Variants in CNTN1 observed in about 807,000 individuals in gnomAD.
CNTN1 encodes contactin-1.
Under a neutral mutation model 126.4 loss-of-function variants are expected in CNTN1, and 38 were observed. That is an observed-to-expected ratio of 0.30 (90% CI 0.23 to 0.39). CNTN1 has a LOEUF of 0.39. Ranked by LOEUF, CNTN1 falls within the 10% of genes least tolerant of loss-of-function variation. The pLI is 1.00. For synonymous variants in CNTN1, 413 were observed against 422.6 expected (o/e 0.98, Z 0.28); for missense variants, 1,009 against 1,248.4 (o/e 0.81, Z 2.89).
intron 14 of CNTN1, among the ~76,000 whole-genome samples, chr12:40,955,442 G>C (rs1452800224): frequency 6.6e-6 from 1 of 151,898 alleles, no homozygotes; most frequent in Non-Finnish European, 1.5e-5. Flanking sequence ...ATAGTGTATA[G>C]ATATTTGAAA....
chr12:40,966,992 A>G (rs1013422360), intron 15 of CNTN1, among the ~76,000 whole-genome samples: 3 of 152,058 alleles, frequency 2.0e-5, no homozygotes, highest in Non-Finnish European at 2.9e-5. Context: ...CTTTTGGCAA[A>G]CTGGAATTTC....
At chr12:40,862,561 G>A (rs1943151676) in intron 1 of CNTN1, among the ~76,000 whole-genome samples, 2 of 152,154 alleles carry the variant, frequency 1.3e-5, no homozygotes, top group Admixed American at 1.3e-4. Flanking sequence ...ATACACTCAA[G>A]GAAAGTTATG....
At chr12:40,958,787 T>C (rs1282322289) in intron 14 of CNTN1, among the ~76,000 whole-genome samples, 3 of 152,094 alleles carry the variant, frequency 2.0e-5, no homozygotes, top group Non-Finnish European at 4.4e-5. Context: ...AACTTATTGA[T>C]ACTTATTAGA....
intron 1 of CNTN1, among the ~76,000 whole-genome samples, chr12:40,859,972 A>G (rs1288562771): frequency 1.3e-5 from 2 of 152,074 alleles, no homozygotes; most frequent in Non-Finnish European, 2.9e-5. Context: ...CTTTTCCAAA[A>G]CTTTTCCAAC....
chr12:41,031,224 G>C (rs1949139574), intron 23 of CNTN1, among the ~76,000 whole-genome samples: 1 of 152,184 alleles, frequency 6.6e-6, no homozygotes, highest in Non-Finnish European at 1.5e-5. Context: ...AGAATCACTA[G>C]GGATAGGGGA....
chr12:40,909,775 G>GA (rs1306511904), intron 2 of CNTN1, among the ~76,000 whole-genome samples: 2 of 151,036 alleles, frequency 1.3e-5, no homozygotes, highest in African/African-American at 2.4e-5. Context: ...ATATAATAAA[G>GA]AAAAAATTTG....
intron 1 of CNTN1, among the ~76,000 whole-genome samples, chr12:40,716,258 CCCTT>C (rs1565638004): frequency 6.6e-6 from 1 of 151,466 alleles, no homozygotes; most frequent in East Asian, 1.9e-4. Context: ...TTTTCTTCTT[CCCTT>C]CCTTCCCTCC....
intron 16 of CNTN1, among the ~76,000 whole-genome samples, chr12:40,992,024 A>G (rs1259194510): frequency 6.6e-6 from 1 of 152,218 alleles, no homozygotes; most frequent in Non-Finnish European, 1.5e-5. Flanking sequence ...AAGAGGAGAT[A>G]AAGAGGTAGA....
At chr12:40,695,987 G>A (rs1390549695) in intron 1 of CNTN1, among the ~76,000 whole-genome samples, 2 of 152,176 alleles carry the variant, frequency 1.3e-5, no homozygotes, top group Non-Finnish European at 2.9e-5. Flanking sequence ...TAATATTTAT[G>A]TATCATGATG....
intron 1 of CNTN1, among the ~76,000 whole-genome samples, chr12:40,856,105 T>C (rs1224866642): frequency 1.3e-5 from 2 of 152,076 alleles, no homozygotes; most frequent in Non-Finnish European, 2.9e-5. Context: ...AAGAGGGAGC[T>C]GGAAAGTAGA....
intron 1 of CNTN1, among the ~76,000 whole-genome samples, chr12:40,762,329 A>C (rs1285163663): frequency 6.6e-6 from 1 of 152,188 alleles, no homozygotes; most frequent in Non-Finnish European, 1.5e-5. Context: ...TCAGTGACGA[A>C]CTGCTAGATA....
intron 1 of CNTN1, among the ~76,000 whole-genome samples, chr12:40,815,087 A>G (rs10748166): frequency 0.56 from 85,486 of 151,904 alleles, 24,463 homozygotes; most frequent in East Asian, 0.77. Flanking sequence ...GTGGCATCAT[A>G]CCTCCAGCTC....
intron 1 of CNTN1, among the ~76,000 whole-genome samples, chr12:40,886,261 G>A (rs1375096770): frequency 6.6e-6 from 1 of 151,864 alleles, no homozygotes; most frequent in East Asian, 1.9e-4. Flanking sequence ...GAAGACACTG[G>A]GATAAAAAAC....
chr12:40,929,730 T>A (rs1945817046), intron 6 of CNTN1, 66 bp from the exon 7 acceptor site: 2 of 1,186,022 alleles, frequency 1.7e-6, no homozygotes, highest in African/African-American at 3.0e-5. Flanking sequence ...GTTACTAGCC[T>A]CTATTAAATT....
At chr12:40,931,717 C>T (rs1345337115) in intron 7 of CNTN1, among the ~76,000 whole-genome samples, 1 of 151,862 alleles carries the variant, frequency 6.6e-6, no homozygotes, top group African/African-American at 2.4e-5. Flanking sequence ...CCCTGTGGTT[C>T]TTAATTAGTA....
At chr12:40,791,312 C>T (rs10879191) in intron 1 of CNTN1, among the ~76,000 whole-genome samples, 80,410 of 151,900 alleles carry the variant, frequency 0.53, 21,598 homozygotes, top group East Asian at 0.66. Context: ...CCTGACAATA[C>T]GTATACGTAG....
At chr12:40,782,783 G>C (rs886138106) in intron 1 of CNTN1, among the ~76,000 whole-genome samples, 1 of 151,836 alleles carries the variant, frequency 6.6e-6, no homozygotes, top group Non-Finnish European at 1.5e-5. Flanking sequence ...TATCATAGTT[G>C]AGTGAAAGAA....
intron 14 of CNTN1, among the ~76,000 whole-genome samples, chr12:40,952,193 C>A (rs1317489192): frequency 6.6e-6 from 1 of 152,102 alleles, no homozygotes; most frequent in South Asian, 2.1e-4. Flanking sequence ...GAAACTAGGG[C>A]TATATATTAC....
At chr12:40,775,677 C>T (rs76607544) in intron 1 of CNTN1, among the ~76,000 whole-genome samples, 1,687 of 151,492 alleles carry the variant, frequency 0.011, 39 homozygotes, top group African/African-American at 0.039. Context: ...TACATAAATC[C>T]ATGAGTTTAA....
Sources: allele counts gnomAD v4.1 joint callset (sites outside exome capture counted in the v4.1 genomes callset), GRCh38; gene constraint gnomAD v4.1.1; transcripts MANE v1.5; gene names NCBI Gene and HGNC (gene_info 2026-07-23, HGNC 2026-07-21).